Variants in NALF1 observed in about 807,000 individuals in gnomAD.
NALF1 encodes the protein NALCN channel auxiliary factor 1, also known as family with sequence similarity 155 member A.
NALF1 carries 3 observed loss-of-function variants against 48.4 expected under a neutral mutation model. The observed-to-expected ratio is 0.06, with a 90% CI of 0.03 to 0.16. The LOEUF is 0.16. Among genes scored for constraint, NALF1 ranks in the 10% least tolerant of loss-of-function variants. The pLI is 1.00. For synonymous variants in NALF1, 262 were observed against 245.7 expected (o/e 1.07, Z -0.62); for missense variants, 526 against 571.5 (o/e 0.92, Z 0.81).
At chr13:107,478,465 A>C (rs2139058591) in intron 1 of NALF1, among the ~76,000 whole-genome samples, 1 of 152,292 alleles carries the variant, frequency 6.6e-6, no homozygotes, top group South Asian at 2.1e-4. Flanking sequence ...CAAACAAGAA[A>C]AAAAGTCAGT....
chr13:107,589,857 C>A (rs967465784), intron 1 of NALF1, among the ~76,000 whole-genome samples: 10 of 139,538 alleles, frequency 7.2e-5, no homozygotes, highest in Admixed American at 1.4e-4. Flanking sequence ...TTGCTAATAA[C>A]ATATCAGGCA....
intron 1 of NALF1, among the ~76,000 whole-genome samples, chr13:107,542,085 C>T (rs1877014446): frequency 6.6e-6 from 1 of 151,906 alleles, no homozygotes; most frequent in African/African-American, 2.4e-5. Flanking sequence ...ACCCAAATGC[C>T]TATCAAAGGA....
intron 1 of NALF1, among the ~76,000 whole-genome samples, chr13:107,843,232 A>G (rs1880087343): frequency 6.6e-6 from 1 of 152,208 alleles, no homozygotes; most frequent in South Asian, 2.1e-4. Context: ...TCTATACAAC[A>G]ATGCCAAGAG....
In NALF1 at chr13:107,866,311, GCTGCTGCTGCTGCTGCTGCCGCTGCCT is replaced by G. The variant is rs778504801; in HGVS notation, c.259_285del (p.Gln88_Arg96del). 3.5e-5 allele frequency: 56 copies of G among 1,584,202 alleles called. No individual in the cohort carries two copies. The highest frequency in any genetic ancestry group is 4.0e-5 in the Non-Finnish European group (47 of 1,166,024). ...GGCCAGGAGGGCTCCTGCTGCCGCC[GCTGCTGCTGCTGCTGCTGCCGCTGCCT>G]CTGCTGCTGCTGCTGCTGCTGCTGC... On this transcript the variant is annotated inframe_deletion, in exon 1 of 3. Transcript: ENST00000375915. This position sits in a 1 kb window ranked among gnomAD's most constrained non-coding sequence, Gnocchi z 4.4.
At chr13:107,422,525 CA>C (rs1457101656) in intron 1 of NALF1, among the ~76,000 whole-genome samples, 1 of 151,940 alleles carries the variant, frequency 6.6e-6, no homozygotes, top group African/African-American at 2.4e-5. Context: ...TTGATGGGCC[CA>C]AGTAGGGTCG....
At chr13:107,287,196 G>A (rs1279753439) in intron 1 of NALF1, among the ~76,000 whole-genome samples, 12 of 152,164 alleles carry the variant, frequency 7.9e-5, no homozygotes, top group South Asian at 2.1e-4. Context: ...CCTTCACACC[G>A]TCTCCCCAAC....
At chr13:107,222,410 T>C (rs1033615072) in intron 1 of NALF1, among the ~76,000 whole-genome samples, 1 of 152,206 alleles carries the variant, frequency 6.6e-6, no homozygotes, top group South Asian at 2.1e-4. Flanking sequence ...TATTCATTTA[T>C]ATACACATGA....
At chr13:107,536,555 T>C (rs376644539) in intron 1 of NALF1, among the ~76,000 whole-genome samples, 38 of 152,176 alleles carry the variant, frequency 2.5e-4, no homozygotes, top group Admixed American at 6.5e-4. Flanking sequence ...GTTAGAATGG[T>C]GATCATTAAA....
chr13:107,403,883 GA>G (rs921554042), intron 1 of NALF1, among the ~76,000 whole-genome samples: 14 of 151,958 alleles, frequency 9.2e-5, no homozygotes, highest in African/African-American at 3.4e-4. Flanking sequence ...TTTGTCCATG[GA>G]AAAGAATAAA....
At chr13:107,862,384 G>A (rs199676163) in intron 1 of NALF1, among the ~76,000 whole-genome samples, 1 of 151,728 alleles carries the variant, frequency 6.6e-6, no homozygotes, top group Non-Finnish European at 1.5e-5. Context: ...TAATATTGTC[G>A]AACAACTTAA....
intron 1 of NALF1, among the ~76,000 whole-genome samples, chr13:107,511,672 G>C (rs1385171937): frequency 6.6e-6 from 1 of 152,034 alleles, no homozygotes; most frequent in Non-Finnish European, 1.5e-5. Flanking sequence ...CTTTATCTTT[G>C]CTAAGGTCTG....
At chr13:107,710,781 GTA>G (rs34303454) in intron 1 of NALF1, among the ~76,000 whole-genome samples, 1 of 147,288 alleles carries the variant, frequency 6.8e-6, no homozygotes, top group Non-Finnish European at 1.5e-5. Flanking sequence ...ACATATGTGT[GTA>G]TATACACATA....
At position 107,690,987 on chromosome 13, in the gene NALF1, T is replaced by C. The variant is rs534360033; in HGVS notation, c.915+174695A>G. On this transcript the variant is annotated intron_variant, in intron 1 of 2. Transcript: ENST00000375915. ...AATTGTGTCCCTCCCCTAAAATTAA[T>C]ATGTTGAAGAACCTCAGAACTTTAA... is the stretch of plus-strand genomic sequence containing the variant. Among the ~76,000 whole-genome samples, 253 of 152,296 alleles carry C rather than the reference T, an allele frequency of 1.7e-3. 1 individual carries two copies. Among genetic ancestry groups the C allele is most frequent in the African/African-American group, 5.7e-3 (236 of 41,572 alleles).
intron 2 of NALF1, among the ~76,000 whole-genome samples, chr13:107,175,314 C>A (rs956093689): frequency 6.6e-6 from 1 of 152,042 alleles, no homozygotes; most frequent in Non-Finnish European, 1.5e-5. Context: ...TGACTTCCAC[C>A]CAGTCTTCCT....
chr13:107,193,529 C>T (rs1352498033), intron 2 of NALF1, among the ~76,000 whole-genome samples: 1 of 152,086 alleles, frequency 6.6e-6, no homozygotes, highest in Non-Finnish European at 1.5e-5. Flanking sequence ...TGTTTAATTA[C>T]CCCTTCTGGG....
At chr13:107,309,930 T>C (rs72650523) in intron 1 of NALF1, among the ~76,000 whole-genome samples, 7,238 of 152,236 alleles carry the variant, frequency 0.048, 228 homozygotes, top group East Asian at 0.16. Flanking sequence ...TCTTAAGCAG[T>C]CCTTTATAGC....
chr13:107,352,395 C>A (rs534491031), intron 1 of NALF1, among the ~76,000 whole-genome samples: 1 of 152,086 alleles, frequency 6.6e-6, no homozygotes, highest in African/African-American at 2.4e-5. Flanking sequence ...TCAACAGTGT[C>A]GTAGTCAGTT....
chr13:107,496,551 T>G (rs919307180), intron 1 of NALF1, among the ~76,000 whole-genome samples: 2 of 152,168 alleles, frequency 1.3e-5, no homozygotes, highest in Non-Finnish European at 2.9e-5. Context: ...TGTTTAATCA[T>G]GTTCAGTTTT....
intron 1 of NALF1, among the ~76,000 whole-genome samples, chr13:107,536,458 G>T (rs1181863258): frequency 3.3e-5 from 5 of 152,134 alleles, no homozygotes; most frequent in African/African-American, 1.2e-4. Context: ...CATTTATGCA[G>T]CCAAAAGACA....
Sources: allele counts gnomAD v4.1 joint callset (sites outside exome capture counted in the v4.1 genomes callset), GRCh38; gene constraint gnomAD v4.1.1; non-coding constraint Gnocchi (gnomAD v3.1); transcripts MANE v1.5; gene names NCBI Gene and HGNC (gene_info 2026-07-23, HGNC 2026-07-21).